STXBP6: variants seen among roughly 807,000 people sequenced by gnomAD.
STXBP6 encodes the protein syntaxin-binding protein 6.
Under a neutral mutation model 26.9 loss-of-function variants are expected in STXBP6, and 21 were observed. That is an observed-to-expected ratio of 0.78 (90% CI 0.55 to 1.12). The LOEUF (loss-of-function observed/expected upper bound fraction) is 1.12, where lower values mean the gene tolerates loss of function less well. Among genes scored for constraint, STXBP6 ranks in the 50% most tolerant of loss-of-function variants. The pLI is 0.00. For missense variants in STXBP6, 232 were observed against 257.9 expected (o/e 0.90, Z 0.69); for synonymous variants, 97 against 92.6 (o/e 1.05, Z -0.27).
chr14:24,815,461 C>T (rs926343389), intron 5 of STXBP6, among the ~76,000 whole-genome samples: 1 of 148,594 alleles, frequency 6.7e-6, no homozygotes, highest in Non-Finnish European at 1.5e-5. Flanking sequence ...TTTTATAATA[C>T]TATTATAACA....
At chr14:24,818,044 T>C in intron 5 of STXBP6, 1 of 456,690 alleles carries the variant, frequency 2.2e-6, no homozygotes, top group South Asian at 1.5e-5. Context: ...AGGTTATCCA[T>C]CCTTGTTTCC....
intron 4 of STXBP6, among the ~76,000 whole-genome samples, chr14:24,821,415 T>G (rs1187031015): frequency 6.6e-6 from 1 of 152,202 alleles, no homozygotes; most frequent in Non-Finnish European, 1.5e-5. Flanking sequence ...GCACGTGATG[T>G]CAGGTAACAT....
intron 2 of STXBP6, among the ~76,000 whole-genome samples, chr14:24,892,026 T>A (rs2070805845): frequency 6.6e-6 from 1 of 152,230 alleles, no homozygotes; most frequent in South Asian, 2.1e-4. Context: ...TGGCTCTTAG[T>A]ACTTTTCTTT....
intron 2 of STXBP6, among the ~76,000 whole-genome samples, chr14:24,897,929 G>A (rs1157533319): frequency 2.6e-5 from 4 of 152,172 alleles, no homozygotes; most frequent in African/African-American, 7.2e-5. Context: ...GGTCCCCTGA[G>A]TGTAAATAAA....
chr14:24,859,958 AAAC>A (rs1223958154), intron 2 of STXBP6, among the ~76,000 whole-genome samples: 3 of 152,198 alleles, frequency 2.0e-5, no homozygotes, highest in African/African-American at 7.2e-5. Flanking sequence ...AGCTCTGAAA[AAAC>A]AACATGGTTT....
intron 2 of STXBP6, among the ~76,000 whole-genome samples, chr14:24,911,375 AAGAGAG>A (rs138490421): frequency 6.7e-6 from 1 of 148,554 alleles, no homozygotes; most frequent in Non-Finnish European, 1.5e-5. Flanking sequence ...GGAAAGAAAG[AAGAGAG>A]AGAGAGAGAG....
At chr14:24,985,977 C>T (rs2074321269) in intron 1 of STXBP6, among the ~76,000 whole-genome samples, 1 of 152,100 alleles carries the variant, frequency 6.6e-6, no homozygotes. Context: ...TTGCTCTCGA[C>T]TTTTTTAAGT....
At chr14:24,989,838 T>C (rs2074420981) in intron 1 of STXBP6, among the ~76,000 whole-genome samples, 1 of 152,198 alleles carries the variant, frequency 6.6e-6, no homozygotes, top group Non-Finnish European at 1.5e-5. Flanking sequence ...CTGGGAGGTG[T>C]AGCCTTCTGC....
intron 1 of STXBP6, among the ~76,000 whole-genome samples, chr14:24,999,303 G>T (rs1409792570): frequency 6.6e-6 from 1 of 152,142 alleles, no homozygotes; most frequent in Non-Finnish European, 1.5e-5. Flanking sequence ...AGAAGGAAAA[G>T]AATATCCTAC....
intron 1 of STXBP6, among the ~76,000 whole-genome samples, chr14:25,038,056 T>G (rs751227865): frequency 2.6e-5 from 4 of 151,522 alleles, no homozygotes; most frequent in Non-Finnish European, 5.9e-5. Flanking sequence ...TCATTGTGTT[T>G]TTAAAAATAC....
chr14:25,025,915 C>CA (rs1188288931), intron 1 of STXBP6, among the ~76,000 whole-genome samples: 2 of 152,136 alleles, frequency 1.3e-5, no homozygotes, highest in East Asian at 3.9e-4. Context: ...TAAGGTCCTG[C>CA]AAAAATTGGC....
At chr14:24,972,322 T>G (rs543637558) in intron 2 of STXBP6, among the ~76,000 whole-genome samples, 18 of 152,348 alleles carry the variant, frequency 1.2e-4, no homozygotes, top group Non-Finnish European at 2.4e-4. Context: ...GGTCATTATC[T>G]TCTATGGCAG....
chr14:24,936,398 G>T (rs951813941), intron 2 of STXBP6, among the ~76,000 whole-genome samples: 1 of 152,184 alleles, frequency 6.6e-6, no homozygotes, highest in Non-Finnish European at 1.5e-5. Context: ...GATAGAAGAG[G>T]TCACTAGTTT....
intron 5 of STXBP6, among the ~76,000 whole-genome samples, chr14:24,814,869 A>C (rs968801131): frequency 6.6e-6 from 1 of 152,182 alleles, no homozygotes; most frequent in Admixed American, 6.5e-5. Flanking sequence ...GCCATCTATG[A>C]ATCAAACAAT....
chr14:24,947,689 T>TC (rs1192293426), intron 2 of STXBP6, among the ~76,000 whole-genome samples: 1 of 152,148 alleles, frequency 6.6e-6, no homozygotes, highest in Non-Finnish European at 1.5e-5. Flanking sequence ...AATAGTAAAC[T>TC]GGCAGTGATT....
At chr14:24,960,640 C>A (rs2073502037) in intron 2 of STXBP6, among the ~76,000 whole-genome samples, 2 of 152,132 alleles carry the variant, frequency 1.3e-5, no homozygotes, top group Non-Finnish European at 1.5e-5. Flanking sequence ...CTTCATGGGT[C>A]CCCAAGTCTA....
intron 2 of STXBP6, among the ~76,000 whole-genome samples, chr14:24,918,356 A>AT (rs2071844702): frequency 6.6e-6 from 1 of 151,898 alleles, no homozygotes; most frequent in Non-Finnish European, 1.5e-5. Context: ...TTTTATTTAA[A>AT]TTTTGTCAAT....
Position 24,974,701 on chromosome 14 carries a change from C to G in STXBP6, c.118G>C (p.Gly40Arg). ...ATATAAGTTAAATATTCGCCTTGAC[C>G]TCCAGTTGCCAAGAAAGGAATCTTT... is the stretch of plus-strand genomic sequence containing the variant. Reference protein sequence around the residue: ...KKKIPFLATGGQGEYLTYICL... With the variant: ...KKKIPFLATGRQGEYLTYICL... The change falls in exon 2 of 6, where the codon GGT becomes CGT. Residue 40 changes from glycine (G) to arginine (R), a missense_variant. Coordinates refer to ENST00000323944, the MANE Select transcript of STXBP6 (RefSeq NM_001394410.1). 1.3e-6 allele frequency: 2 copies of G among 1,563,044 alleles called. No homozygotes were observed. The highest frequency in any genetic ancestry group is 1.4e-5 in the African/African-American group (1 of 73,880).
chr14:24,845,015 CTT>C (rs377626533), intron 4 of STXBP6, among the ~76,000 whole-genome samples: 11 of 141,860 alleles, frequency 7.8e-5, no homozygotes, highest in Admixed American at 7.1e-5. Context: ...TCATCAAAAG[CTT>C]TTTTTTTTTT....
Sources: allele counts gnomAD v4.1 joint callset (sites outside exome capture counted in the v4.1 genomes callset), GRCh38; gene constraint gnomAD v4.1.1; transcripts MANE v1.5; gene names NCBI Gene and HGNC (gene_info 2026-07-23, HGNC 2026-07-21).